The following COL26A1 variants were observed in gnomAD, a reference collection of about 807,000 sequenced individuals.
COL26A1 encodes the protein collagen type XXVI alpha 1 chain.
A neutral mutation model predicts 59.3 loss-of-function variants in COL26A1; 41 were observed. That is an observed-to-expected ratio of 0.69 (90% CI 0.54 to 0.90). The LOEUF is 0.90. Among genes scored for constraint, COL26A1 ranks in the 40% least tolerant of loss-of-function variants. The pLI is 0.00. For synonymous variants in COL26A1, 266 were observed against 256.0 expected, an observed-to-expected ratio of 1.04 and a Z score of -0.37; for missense variants, 612 against 602.3, an observed-to-expected ratio of 1.02 and a Z score of -0.17.
intron 3 of COL26A1, among the ~76,000 whole-genome samples, chr7:101,481,451 TA>T (rs2130493259): frequency 6.8e-6 from 1 of 146,926 alleles, no homozygotes; most frequent in African/African-American, 2.5e-5. Context: ...TCCCAAAATA[TA>T]TATATATATA....
intron 3 of COL26A1, among the ~76,000 whole-genome samples, chr7:101,458,756 C>T (rs547464987): frequency 6.6e-6 from 1 of 151,262 alleles, no homozygotes; most frequent in South Asian, 2.1e-4. Context: ...AGAGATTTGT[C>T]CAAGTCATCT....
chr7:101,418,330 G>A (rs546780304), intron 1 of COL26A1, among the ~76,000 whole-genome samples: 43 of 152,040 alleles, frequency 2.8e-4, no homozygotes, highest in African/African-American at 7.0e-4. Context: ...CTTCAGCCCC[G>A]GTCCTCTTTT....
chr7:101,549,153 C>T lies in COL26A1; in HGVS notation c.941-18C>T, dbSNP rs1795806591. ...CCCCTCTCTGGCCCCAGGTGACCAT[C>T]TGTGACTCTGCCCACAGGTCCCCCT... On this transcript the variant is annotated intron_variant, in intron 8 of 12. Coordinates refer to ENST00000313669, the MANE Select transcript of COL26A1 (RefSeq NM_001278563.3). 4 of 1,551,636 alleles carry T rather than the reference C, an allele frequency of 2.6e-6. No individual in the cohort carries two copies. The highest frequency in any genetic ancestry group is 3.5e-6 in the Non-Finnish European group (4 of 1,145,590).
At chr7:101,531,116 G>T (rs1037293937) in intron 3 of COL26A1, among the ~76,000 whole-genome samples, 2 of 151,934 alleles carry the variant, frequency 1.3e-5, no homozygotes, top group African/African-American at 4.8e-5. Context: ...GACTACAGGC[G>T]CCCGCCACCA....
At chr7:101,523,123 G>A (rs1264897929) in intron 3 of COL26A1, among the ~76,000 whole-genome samples, 1 of 150,596 alleles carries the variant, frequency 6.6e-6, no homozygotes, top group Admixed American at 6.6e-5. Flanking sequence ...AGTCTGGAGT[G>A]CAATGGCACG....
At chr7:101,402,132 C>T (rs907311808) in intron 1 of COL26A1, among the ~76,000 whole-genome samples, 11 of 152,198 alleles carry the variant, frequency 7.2e-5, no homozygotes, top group South Asian at 4.2e-4. Context: ...CAGTGTGTGG[C>T]GGGGGTGCCA....
At position 101,545,231 on chromosome 7, in the gene COL26A1, C is replaced by A. The variant is rs964748364; in HGVS notation, c.704-107C>A. On this transcript the variant is annotated intron_variant, in intron 6 of 12. Coordinates refer to ENST00000313669, the MANE Select transcript of COL26A1 (RefSeq NM_001278563.3). ...GAGGTCACCACTGACTGCCTGTGGGCCCCTGACCAACCCTGTTTCTTTCAA... is the reference window on the plus strand; with the variant it reads ...GAGGTCACCACTGACTGCCTGTGGGACCCTGACCAACCCTGTTTCTTTCAA... 46 of 1,045,098 alleles carry A rather than the reference C, an allele frequency of 4.4e-5. No homozygotes were observed. The African/African-American group carries it at 6.3e-4, about 14-fold the overall frequency. The allele number at this position is 1,045,098 out of a possible 1,614,324, so 64.7% of individuals were successfully genotyped here.
intron 3 of COL26A1, among the ~76,000 whole-genome samples, chr7:101,532,618 A>T (rs926487738): frequency 2.0e-5 from 3 of 152,042 alleles, no homozygotes; most frequent in Non-Finnish European, 4.4e-5. Flanking sequence ...TGTCCCCCTG[A>T]TTGGACTGGC....
intron 1 of COL26A1, among the ~76,000 whole-genome samples, chr7:101,374,555 C>G (rs1363537446): frequency 6.6e-6 from 1 of 152,136 alleles, no homozygotes; most frequent in Non-Finnish European, 1.5e-5. Flanking sequence ...CATAGGAGCT[C>G]CAGCCCTGTT....
intron 1 of COL26A1, among the ~76,000 whole-genome samples, chr7:101,388,570 CTT>C (rs542807870): frequency 1.4e-5 from 2 of 139,340 alleles, no homozygotes; most frequent in Non-Finnish European, 1.5e-5. Context: ...CACCTATTTT[CTT>C]TTTTTTTTTT....
Position 101,547,162 on chromosome 7 carries a change from A to C in COL26A1, c.863A>C (p.Asp288Ala), listed in dbSNP as rs761385666. 6.3e-7 allele frequency: 1 copy of C among 1,593,606 alleles called. No homozygotes were observed. Among genetic ancestry groups the C allele is most frequent in the Non-Finnish European group, 8.5e-7 (1 of 1,171,802 alleles). ...LQPPTDKDNG[D>A]SRLASAIVDT... is the part of the protein sequence containing the mutation. ...CGCTCCGCTCTTCCCACAGATGGAG[A>C]CTCAAGGCTGGCCTCTGCCATCGTG... The change falls in exon 8 of 13, where the codon GAC (aspartate) becomes GCC (alanine). Residue 288 changes from aspartate to alanine, a missense_variant. Coordinates refer to ENST00000313669, the MANE Select transcript of COL26A1 (RefSeq NM_001278563.3).
chr7:101,489,763 T>G lies in COL26A1; in HGVS notation c.385+41976T>G, dbSNP rs912053009. On this transcript the variant is annotated intron_variant, in intron 3 of 12. Coordinates refer to ENST00000313669, the MANE Select transcript of COL26A1 (RefSeq NM_001278563.3). ...TCTCTTTCTTTCTTGTCTCTCTTTC[T>G]TTCTTTCTTTCTTTCTTTCTTTCTT... Among the ~76,000 whole-genome samples, 15 of 3,634 alleles carry G rather than the reference T, an allele frequency of 4.1e-3. 1 individual carries two copies. Among genetic ancestry groups the G allele is most frequent in the Non-Finnish European group, 8.6e-3 (15 of 1,740 alleles). 2.4% of individuals were successfully genotyped at this position (3,634 alleles called of 152,430 possible). A position where few individuals can be genotyped will look rare whatever the true frequency, so the allele number is the denominator to read the frequency against.
At chr7:101,439,857 G>A (rs1037966026) in intron 2 of COL26A1, among the ~76,000 whole-genome samples, 2 of 152,144 alleles carry the variant, frequency 1.3e-5, no homozygotes, top group Non-Finnish European at 2.9e-5. Context: ...CACCTGGCCG[G>A]GACCTTGTTA....
chr7:101,447,863 C>A (rs1793239149), intron 3 of COL26A1, 76 bp downstream of exon 3: 1 of 861,268 alleles, frequency 1.2e-6, no homozygotes, highest in East Asian at 2.7e-5. Context: ...CTGGCCTCCT[C>A]CTGCAAGCAG....
intron 4 of COL26A1, among the ~76,000 whole-genome samples, chr7:101,533,752 C>G (rs1208485246): frequency 1.3e-5 from 2 of 152,138 alleles, no homozygotes; most frequent in African/African-American, 2.4e-5. Context: ...ATCCCACGCT[C>G]CCTCTGGGAG....
chr7:101,397,191 C>T (rs1338455521), intron 1 of COL26A1, among the ~76,000 whole-genome samples: 1 of 152,092 alleles, frequency 6.6e-6, no homozygotes, highest in Non-Finnish European at 1.5e-5. Context: ...TTCTTGTCAC[C>T]TGTGTCATGT....
chr7:101,547,310 T>C, intron 8 of COL26A1, 71 bp downstream of exon 8: 1 of 1,095,256 alleles, frequency 9.1e-7, no homozygotes, highest in Non-Finnish European at 1.3e-6. Context: ...CATGGGGCCT[T>C]GAGGGGAGCT....
At chr7:101,491,866 C>T (rs952183070) in intron 3 of COL26A1, among the ~76,000 whole-genome samples, 1 of 152,198 alleles carries the variant, frequency 6.6e-6, no homozygotes, top group Non-Finnish European at 1.5e-5. Context: ...TGGGAATGCA[C>T]GCAGTAGATC....
At chr7:101,466,795 G>GGT (rs59942660) in intron 3 of COL26A1, among the ~76,000 whole-genome samples, 16,393 of 125,046 alleles carry the variant, frequency 0.13, 1,524 homozygotes, top group East Asian at 0.37. Flanking sequence ...GGCATGTTCT[G>GGT]GTGTGTGTGT....
Sources: gnomAD v4.1 joint callset for allele counts (sites outside exome capture counted in the v4.1 genomes callset) on GRCh38, gnomAD v4.1.1 for gene constraint, MANE v1.5 for transcripts, NCBI Gene and HGNC (gene_info 2026-07-23, HGNC 2026-07-21) for gene names.